The following TMCO5A variants were observed in gnomAD, a reference collection of about 807,000 sequenced individuals.
The protein encoded by TMCO5A is transmembrane and coiled-coil domains 5A.
TMCO5A carries 34 observed loss-of-function variants against 42.3 expected under a neutral mutation model. The ratio of observed to expected loss-of-function variants is 0.80; its 90% CI spans 0.61 to 1.07. The LOEUF is 1.07. Ranked by LOEUF, TMCO5A falls within the 50% of genes least tolerant of loss-of-function variation. The pLI, the probability that TMCO5A is intolerant of heterozygous loss-of-function variation, is 0.00. For missense variants in TMCO5A, 357 were observed against 327.9 expected, an observed-to-expected ratio of 1.09 and a Z score of -0.69; for synonymous variants, 131 against 115.6, an observed-to-expected ratio of 1.13 and a Z score of -0.86.
chr15:37,974,191 A>C, the TMCO5A span, among the ~76,000 whole-genome samples: 1 of 152,036 alleles, frequency 6.6e-6, no homozygotes, highest in Non-Finnish European at 1.5e-5. Context: ...TTTTGCATCT[A>C]TGTTTATCGA....
chr15:38,012,909 A>C, the TMCO5A span, among the ~76,000 whole-genome samples: 2 of 152,206 alleles, frequency 1.3e-5, no homozygotes, highest in East Asian at 1.9e-4. Flanking sequence ...TCTAAAGATT[A>C]CCTGAGGTCT....
At chr15:37,983,810 C>T in the TMCO5A span, among the ~76,000 whole-genome samples, 16 of 151,704 alleles carry the variant, frequency 1.1e-4, no homozygotes, top group African/African-American at 2.7e-4. Flanking sequence ...CTGCAACCTC[C>T]GCTTCCCAGA....
At chr15:37,956,532 C>T (rs1890296262) in intron 11 of TMCO5A, 1 of 152,824 alleles carries the variant, frequency 6.5e-6, no homozygotes, top group Non-Finnish European at 1.5e-5. Context: ...CCTCCCAAGA[C>T]TAAACCAGGA....
the TMCO5A span, among the ~76,000 whole-genome samples, chr15:37,977,002 C>A: frequency 3.9e-5 from 6 of 152,008 alleles, no homozygotes; most frequent in Non-Finnish European, 5.9e-5. Context: ...AAACTCCTAT[C>A]TTAAAGTGAC....
the TMCO5A span, among the ~76,000 whole-genome samples, chr15:38,006,584 C>T: frequency 1.3e-5 from 2 of 152,184 alleles, no homozygotes; most frequent in African/African-American, 4.8e-5. Flanking sequence ...TCAGTCCAGT[C>T]ACTTCATTTT....
chr15:37,945,927 C>A (rs1047219991), intron 10 of TMCO5A, among the ~76,000 whole-genome samples: 1 of 152,038 alleles, frequency 6.6e-6, no homozygotes, highest in Admixed American at 6.6e-5. Context: ...TTGGCATTTT[C>A]ATCAAGAAAT....
chr15:37,970,253 T>A (rs9806152), downstream of TMCO5A, among the ~76,000 whole-genome samples: 2,420 of 152,274 alleles, frequency 0.016, 51 homozygotes, highest in East Asian at 0.055. Flanking sequence ...ACAATCATAA[T>A]GGAAGGTGAA....
chr15:38,004,917 T>C, the TMCO5A span: 2 of 152,304 alleles, frequency 1.3e-5, no homozygotes, highest in African/African-American at 4.8e-5. Context: ...TGGGGGGGTG[T>C]ATAATTGCTG....
chr15:37,943,473 C>T, intron 10 of TMCO5A, 75 bp downstream of exon 10: 3 of 1,450,232 alleles, frequency 2.1e-6, no homozygotes, highest in East Asian at 2.3e-5. Context: ...AACTATAAGG[C>T]ACCAAATATA....
chr15:37,965,860 A>G (rs1485480658), intron 11 of TMCO5A, among the ~76,000 whole-genome samples: 1 of 152,130 alleles, frequency 6.6e-6, no homozygotes. Context: ...TCCTCAAAAA[A>G]CTAAAAATAG....
chr15:38,036,398 C>T, the TMCO5A span, among the ~76,000 whole-genome samples: 1 of 151,970 alleles, frequency 6.6e-6, no homozygotes, highest in Non-Finnish European at 1.5e-5. Context: ...GTCAGAATTC[C>T]ACACCCAGCC....
chr15:38,032,923 T>A, the TMCO5A span, among the ~76,000 whole-genome samples: 7 of 132,500 alleles, frequency 5.3e-5, no homozygotes, highest in Admixed American at 3.6e-4. Context: ...TGAAATTTGG[T>A]CTCTTTTTTT....
At chr15:37,947,823 C>A in intron 11 of TMCO5A, 127 bp downstream of exon 11, 1 of 571,500 alleles carries the variant, frequency 1.7e-6, no homozygotes, top group Non-Finnish European at 3.1e-6. Flanking sequence ...CACACACACA[C>A]AAGTCAGCAA....
downstream of TMCO5A, among the ~76,000 whole-genome samples, chr15:37,954,592 C>A (rs1890238054): frequency 6.6e-6 from 1 of 151,878 alleles, no homozygotes; most frequent in Non-Finnish European, 1.5e-5. Context: ...CATTAATGAG[C>A]AATAAGAAAT....
the TMCO5A span, among the ~76,000 whole-genome samples, chr15:37,982,732 A>G: frequency 3.6e-5 from 5 of 140,646 alleles, no homozygotes; most frequent in East Asian, 9.8e-4. Flanking sequence ...TATCTATAAT[A>G]TATAAATATA....
At chr15:37,992,826 A>G in the TMCO5A span, among the ~76,000 whole-genome samples, 1 of 152,172 alleles carries the variant, frequency 6.6e-6, no homozygotes, top group Non-Finnish European at 1.5e-5. Flanking sequence ...AAAGGGGAAC[A>G]TCAGACACTG....
At chr15:37,947,180 A>C (rs11073284) in intron 10 of TMCO5A, among the ~76,000 whole-genome samples, 36,573 of 151,966 alleles carry the variant, frequency 0.24, 4,690 homozygotes, top group Admixed American at 0.31. Flanking sequence ...GTTGAACCAA[A>C]CTTGCATCCC....
At chr15:37,990,646 T>G in the TMCO5A span, among the ~76,000 whole-genome samples, 2 of 152,054 alleles carry the variant, frequency 1.3e-5, no homozygotes, top group African/African-American at 2.4e-5. Context: ...AACGATAAAC[T>G]GATTTTGGTC....
At chr15:37,984,539 T>A in the TMCO5A span, among the ~76,000 whole-genome samples, 1 of 152,214 alleles carries the variant, frequency 6.6e-6, no homozygotes, top group Non-Finnish European at 1.5e-5. Context: ...TTGCTTCTTG[T>A]TGACTGGTTG....
Sources: gnomAD v4.1 joint callset for allele counts (sites outside exome capture counted in the v4.1 genomes callset) on GRCh38, gnomAD v4.1.1 for gene constraint, MANE v1.5 for transcripts, NCBI Gene and HGNC (gene_info 2026-07-23, HGNC 2026-07-21) for gene names.